COX5A: variants seen among roughly 807,000 people sequenced by gnomAD.
COX5A encodes the protein cytochrome c oxidase subunit 5A, also known as cytochrome c oxidase subunit 5A, mitochondrial.
Under a neutral mutation model 16.1 loss-of-function variants are expected in COX5A, and 6 were observed. The observed-to-expected ratio is 0.37, with a 90% CI of 0.20 to 0.73. The LOEUF is 0.73. Among genes scored for constraint, COX5A ranks in the 30% least tolerant of loss-of-function variants. The probability of loss-of-function intolerance (pLI) is 0.50; values close to 1 mark genes in which losing one functional copy is unlikely to be tolerated. For synonymous variants in COX5A, 73 were observed against 73.8 expected, an observed-to-expected ratio of 0.99 and a Z score of 0.06; for missense variants, 159 against 194.9, an observed-to-expected ratio of 0.82 and a Z score of 1.10.
chr15:74,934,128 G>C (rs2065378536), intron 1 of COX5A, among the ~76,000 whole-genome samples: 1 of 152,104 alleles, frequency 6.6e-6, no homozygotes, highest in African/African-American at 2.4e-5. Context: ...GGGGTTTGGT[G>C]GTCCCAGCTA....
chr15:74,933,363 C>T (rs564882445), intron 1 of COX5A, among the ~76,000 whole-genome samples: 8 of 151,834 alleles, frequency 5.3e-5, no homozygotes, highest in South Asian at 2.1e-4. Context: ...GAGCCAAGAT[C>T]GTGCCACTGC....
intron 1 of COX5A, among the ~76,000 whole-genome samples, chr15:74,932,153 T>C (rs1235900309): frequency 6.6e-6 from 1 of 152,198 alleles, no homozygotes; most frequent in East Asian, 1.9e-4. Flanking sequence ...CACTGGTAAG[T>C]ATTAAACAAA....
intron 1 of COX5A, among the ~76,000 whole-genome samples, chr15:74,930,141 C>T (rs190714628): frequency 8.6e-5 from 13 of 151,190 alleles, no homozygotes; most frequent in Admixed American, 2.6e-4. Flanking sequence ...AAGACTAGGC[C>T]GGGCGCAGTG....
At chr15:74,924,941 T>C (rs1415037338) in intron 3 of COX5A, among the ~76,000 whole-genome samples, 1 of 152,184 alleles carries the variant, frequency 6.6e-6, no homozygotes, top group African/African-American at 2.4e-5. Context: ...AATACATATG[T>C]CCAGGGCTGG....
At chr15:74,928,829 G>A (rs1428675839) in intron 2 of COX5A, among the ~76,000 whole-genome samples, 5 of 152,124 alleles carry the variant, frequency 3.3e-5, no homozygotes, top group South Asian at 2.1e-4. Context: ...GTCATGATAC[G>A]AATGTGTGCA....
chr15:74,924,908 T>C (rs1192286979), intron 3 of COX5A, among the ~76,000 whole-genome samples: 1 of 152,198 alleles, frequency 6.6e-6, no homozygotes, highest in African/African-American at 2.4e-5. Context: ...ACAGTATCTT[T>C]TCATGGAGAG....
chr15:74,934,492 G>T (rs12050585), intron 1 of COX5A, among the ~76,000 whole-genome samples: 1 of 151,818 alleles, frequency 6.6e-6, no homozygotes, highest in Non-Finnish European at 1.5e-5. Flanking sequence ...CACCACGCCC[G>T]GCTAATTTTT....
At chr15:74,928,224 C>T (rs2065352048) in intron 2 of COX5A, among the ~76,000 whole-genome samples, 1 of 152,174 alleles carries the variant, frequency 6.6e-6, no homozygotes, top group Non-Finnish European at 1.5e-5. Flanking sequence ...AATTACCCTA[C>T]ACCTAATTCT....
rs765729197 is a variant in COX5A at position 74,929,243 on chromosome 15, A to G, written c.101-11T>C. 3.2e-6 allele frequency: 5 copies of G among 1,541,572 alleles called. No individual in the cohort carries two copies. The highest frequency in any genetic ancestry group is 3.4e-5 in the Admixed American group (2 of 59,460). ...GAACTGACTGGATAGCTATAATGTG[A>G]AAGAACCATAACTTCAATGTACACA... On this transcript the variant is annotated splice_polypyrimidine_tract_variant and intron_variant, in intron 1 of 4. Coordinates refer to ENST00000322347, the MANE Select transcript of COX5A (RefSeq NM_004255.4).
rs779186209 is a variant in COX5A, at chr15:74,923,635, G to A, written c.*9+13C>T. 9.6e-6 allele frequency: 14 copies of A among 1,460,916 alleles called. No individual in the cohort carries two copies. The Admixed American group carries it at 1.8e-4, about 19-fold the overall frequency. 90.5% of individuals were successfully genotyped at this position (1,460,916 alleles called of 1,614,324 possible). A position where few individuals can be genotyped will look rare whatever the true frequency, so the allele number is the denominator to read the frequency against. On this transcript the variant is annotated intron_variant, in intron 4 of 4. Coordinates refer to ENST00000322347, the MANE Select transcript of COX5A (RefSeq NM_004255.4). ...GATTGTTTTCCTGCCTTCTTCAGTG[G>A]TTTGTCGCTTACCCATGCGGTTTAC...
chr15:74,920,554 T>C, intron 4 of COX5A, 112 bp from the exon 5 acceptor site: 2 of 618,222 alleles, frequency 3.2e-6, no homozygotes, highest in Non-Finnish European at 2.8e-6. Context: ...CTCTGTACCC[T>C]TTACTGCTCT....
At chr15:74,920,715 T>C (rs554693897) in intron 4 of COX5A, among the ~76,000 whole-genome samples, 5 of 152,306 alleles carry the variant, frequency 3.3e-5, no homozygotes, top group Middle Eastern at 3.4e-3. Context: ...CGGTGACTCA[T>C]GCCTGTAACG....
chr15:74,925,193 G>C (rs1334335606), intron 3 of COX5A, among the ~76,000 whole-genome samples: 2 of 151,700 alleles, frequency 1.3e-5, no homozygotes, highest in Non-Finnish European at 2.9e-5. Context: ...CCAGCTACTC[G>C]GGAGGCTGAG....
intron 1 of COX5A, among the ~76,000 whole-genome samples, chr15:74,931,836 G>A (rs1324365662): frequency 2.0e-5 from 3 of 152,026 alleles, no homozygotes; most frequent in African/African-American, 4.8e-5. Flanking sequence ...TTACAGACGC[G>A]AGCCACTGCA....
At chr15:74,923,053 A>G (rs1200536333) in intron 4 of COX5A, among the ~76,000 whole-genome samples, 3 of 152,204 alleles carry the variant, frequency 2.0e-5, no homozygotes, top group Non-Finnish European at 4.4e-5. Context: ...ATTATCATCT[A>G]TGCTACTGTT....
intron 1 of COX5A, 105 bp downstream of exon 1, chr15:74,937,807 AGGG>A (rs2065398580): frequency 6.1e-6 from 4 of 653,694 alleles, no homozygotes; most frequent in Non-Finnish European, 8.6e-6. Context: ...TTCAGTAACC[AGGG>A]TAGGGCAAGG....
chr15:74,931,463 T>C (rs543985600), intron 1 of COX5A, among the ~76,000 whole-genome samples: 2 of 152,090 alleles, frequency 1.3e-5, no homozygotes, highest in South Asian at 4.1e-4. Flanking sequence ...ATGATGCCAT[T>C]GTACTCCAGC....
intron 1 of COX5A, 128 bp downstream of exon 1, chr15:74,937,787 G>T: frequency 1.8e-6 from 1 of 550,748 alleles, no homozygotes; most frequent in Non-Finnish European, 2.7e-6. Flanking sequence ...GGCGGCCCGC[G>T]GTCACCGGGT....
chr15:74,932,180 A>G (rs1358079201), intron 1 of COX5A, among the ~76,000 whole-genome samples: 2 of 152,184 alleles, frequency 1.3e-5, no homozygotes, highest in African/African-American at 4.8e-5. Context: ...CTATAAACTA[A>G]CCCTTATCTA....
Sources: gnomAD v4.1 joint callset for allele counts (sites outside exome capture counted in the v4.1 genomes callset) on GRCh38, gnomAD v4.1.1 for gene constraint, MANE v1.5 for transcripts, NCBI Gene and HGNC (gene_info 2026-07-23, HGNC 2026-07-21) for gene names.